CCDC126: variants seen among roughly 807,000 people sequenced by gnomAD.
CCDC126 encodes the protein coiled-coil domain-containing protein 126.
CCDC126 carries 5 observed loss-of-function variants against 11.7 expected under a neutral mutation model. The observed-to-expected ratio is 0.43, with a 90% confidence interval of 0.22 to 0.90. The LOEUF is 0.90. Ranked by LOEUF, CCDC126 falls within the 40% of genes least tolerant of loss-of-function variation. The probability of loss-of-function intolerance (pLI) is 0.27; values close to 1 mark genes in which losing one functional copy is unlikely to be tolerated. For missense variants in CCDC126, 150 were observed against 163.1 expected, an observed-to-expected ratio of 0.92 and a Z score of 0.44; for synonymous variants, 60 against 61.9, an observed-to-expected ratio of 0.97 and a Z score of 0.14.
chr7:23,602,226 C>G (rs1782557226), intron 2 of CCDC126: 1 of 152,032 alleles, frequency 6.6e-6, no homozygotes, highest in Non-Finnish European at 1.5e-5. Context: ...AAAAATTTAT[C>G]CATGTTTTTC....
At chr7:23,630,106 C>T (rs562037911) in intron 3 of CCDC126, among the ~76,000 whole-genome samples, 1 of 152,266 alleles carries the variant, frequency 6.6e-6, no homozygotes, top group South Asian at 2.1e-4. Context: ...AAAATTTGTA[C>T]ATAAAAAGTT....
chr7:23,631,548 G>T (rs1318681511), intron 3 of CCDC126, among the ~76,000 whole-genome samples: 2 of 152,138 alleles, frequency 1.3e-5, no homozygotes, highest in Non-Finnish European at 2.9e-5. Flanking sequence ...GGATCATGAG[G>T]TCAGGAGTTC....
intron 3 of CCDC126, among the ~76,000 whole-genome samples, chr7:23,630,743 A>C (rs911354984): frequency 1.3e-5 from 2 of 150,016 alleles, no homozygotes; most frequent in Non-Finnish European, 3.0e-5. Context: ...AAAAAAAAAA[A>C]AAAAGTCCAT....
intron 3 of CCDC126, among the ~76,000 whole-genome samples, chr7:23,628,862 G>A (rs1783057842): frequency 6.6e-6 from 1 of 152,144 alleles, no homozygotes; most frequent in South Asian, 2.1e-4. Context: ...GAGTACATGG[G>A]GACCTGGAAC....
intron 3 of CCDC126, among the ~76,000 whole-genome samples, chr7:23,625,224 A>C (rs534916820): frequency 6.6e-6 from 1 of 152,000 alleles, no homozygotes; most frequent in Non-Finnish European, 1.5e-5. Context: ...TGTGTGTTTT[A>C]TTTAGTGCTG....
intron 3 of CCDC126, among the ~76,000 whole-genome samples, chr7:23,612,997 A>G (rs1342093910): frequency 1.3e-5 from 2 of 152,076 alleles, no homozygotes; most frequent in Non-Finnish European, 2.9e-5. Flanking sequence ...CATTTTCTCT[A>G]TTTCAGTTTT....
intron 3 of CCDC126, among the ~76,000 whole-genome samples, chr7:23,636,724 G>A (rs1204155147): frequency 6.7e-6 from 1 of 149,664 alleles, no homozygotes; most frequent in African/African-American, 2.5e-5. Context: ...CGTCTGGAAA[G>A]TGAGGAGCGT....
At chr7:23,599,887 C>T (rs1360490908) in intron 2 of CCDC126, among the ~76,000 whole-genome samples, 4 of 152,136 alleles carry the variant, frequency 2.6e-5, no homozygotes, top group South Asian at 2.1e-4. Flanking sequence ...CAGGTTCAAG[C>T]GATTCTTGTA....
intron 3 of CCDC126, among the ~76,000 whole-genome samples, chr7:23,634,832 A>G (rs546149654): frequency 1.1e-4 from 17 of 152,226 alleles, no homozygotes; most frequent in Non-Finnish European, 2.4e-4. Context: ...CTGTTTTTCC[A>G]CGAGGTGACC....
At chr7:23,611,834 T>C (rs962929703) in intron 3 of CCDC126, among the ~76,000 whole-genome samples, 1 of 152,200 alleles carries the variant, frequency 6.6e-6, no homozygotes, top group African/African-American at 2.4e-5. Context: ...CTGCTAGATA[T>C]ATATCGCTGA....
chr7:23,633,029 G>C (rs1036982074), intron 3 of CCDC126, among the ~76,000 whole-genome samples: 10 of 152,076 alleles, frequency 6.6e-5, no homozygotes, highest in African/African-American at 2.4e-4. Flanking sequence ...TTTCGCTCTT[G>C]TTGCCCAGGC....
At chr7:23,633,109 C>T (rs2014797) in intron 3 of CCDC126, among the ~76,000 whole-genome samples, 16 of 152,152 alleles carry the variant, frequency 1.1e-4, no homozygotes, top group Non-Finnish European at 2.1e-4. Flanking sequence ...TTTCCTGACT[C>T]AGCCTCCTGA....
intron 3 of CCDC126, among the ~76,000 whole-genome samples, chr7:23,626,978 T>C (rs1479622905): frequency 6.6e-6 from 1 of 152,230 alleles, no homozygotes; most frequent in African/African-American, 2.4e-5. Context: ...TTTTGTTTTC[T>C]TCCTATGTAA....
At chr7:23,603,648 C>G (rs751873483) in intron 2 of CCDC126, among the ~76,000 whole-genome samples, 1 of 152,172 alleles carries the variant, frequency 6.6e-6, no homozygotes, top group Non-Finnish European at 1.5e-5. Flanking sequence ...TAGGTTTCTT[C>G]TCAGGTTCTT....
At chr7:23,626,871 C>T (rs1783024593) in intron 3 of CCDC126, among the ~76,000 whole-genome samples, 2 of 152,304 alleles carry the variant, frequency 1.3e-5, no homozygotes, top group African/African-American at 4.8e-5. Context: ...ATGACCTGTA[C>T]ATTTTGAACA....
At chr7:23,642,831 C>A in intron 3 of CCDC126, 100 bp from the exon 4 acceptor site, 1 of 928,474 alleles carries the variant, frequency 1.1e-6, no homozygotes, top group South Asian at 1.7e-5. Context: ...CATTTTCCCT[C>A]AGATGACCCA....
Position 23,611,235 on chromosome 7 carries a change from CT to C in CCDC126, c.-71del, listed in dbSNP as rs957986858. On this transcript the variant is annotated 5_prime_UTR_variant, in exon 3 of 4. Coordinates refer to ENST00000307471, the MANE Select transcript of CCDC126 (RefSeq NM_138771.4). ...TATACAATATTGAGGATATTTTTTT[CT>C]TTTTTTTTTCAAGTCTTGATTTGTG... 1,604 of 739,292 alleles carry C rather than the reference CT, an allele frequency of 2.2e-3. No homozygotes were observed. The highest frequency in any genetic ancestry group is 2.8e-3 in the Middle Eastern group (7 of 2,528). 45.8% of individuals were successfully genotyped at this position (739,292 alleles called of 1,614,324 possible).
At chr7:23,630,145 T>C (rs564167338) in intron 3 of CCDC126, among the ~76,000 whole-genome samples, 1 of 152,330 alleles carries the variant, frequency 6.6e-6, no homozygotes, top group South Asian at 2.1e-4. Flanking sequence ...GAATGCTCTG[T>C]TTATCCAATT....
intron 2 of CCDC126, among the ~76,000 whole-genome samples, chr7:23,603,462 A>G (rs770141548): frequency 5.3e-5 from 8 of 152,210 alleles, no homozygotes; most frequent in African/African-American, 1.2e-4. Flanking sequence ...TACAAACACA[A>G]TCTTTCTAGG....
Sources: allele counts gnomAD v4.1 joint callset (sites outside exome capture counted in the v4.1 genomes callset), GRCh38; gene constraint gnomAD v4.1.1; transcripts MANE v1.5; gene names NCBI Gene and HGNC (gene_info 2026-07-23, HGNC 2026-07-21).